Variants in SNTG1 observed in about 807,000 individuals in gnomAD.
SNTG1 encodes gamma-1-syntrophin.
In SNTG1, 39 loss-of-function variants were observed where a neutral mutation model predicts 74.7. That is an observed-to-expected ratio of 0.52 (90% CI 0.40 to 0.68). The LOEUF (loss-of-function observed/expected upper bound fraction) is 0.68. Ranked by LOEUF, SNTG1 falls within the 30% of genes least tolerant of loss-of-function variation. The pLI is 0.00. For missense variants in SNTG1, 685 were observed against 609.5 expected (o/e 1.12, Z -1.30); for synonymous variants, 254 against 217.1 (o/e 1.17, Z -1.49).
At chr8:50,590,518 A>G (rs2094684660) in intron 12 of SNTG1, among the ~76,000 whole-genome samples, 1 of 152,094 alleles carries the variant, frequency 6.6e-6, no homozygotes, top group African/African-American at 2.4e-5. Flanking sequence ...GCTAAAACAA[A>G]TTGGATATAA....
chr8:50,545,757 C>A (rs2094382934), intron 11 of SNTG1, among the ~76,000 whole-genome samples: 1 of 152,000 alleles, frequency 6.6e-6, no homozygotes, highest in Non-Finnish European at 1.5e-5. Context: ...TCCCAGAGTG[C>A]ACACACTTGT....
At chr8:50,083,323 C>A (rs1454378988) in intron 1 of SNTG1, among the ~76,000 whole-genome samples, 1 of 152,080 alleles carries the variant, frequency 6.6e-6, no homozygotes, top group East Asian at 1.9e-4. Context: ...AGAGTCAGAA[C>A]AACATTTTTA....
At chr8:50,696,010 A>T (rs938715848) in intron 15 of SNTG1, among the ~76,000 whole-genome samples, 1 of 151,968 alleles carries the variant, frequency 6.6e-6, no homozygotes, top group African/African-American at 2.4e-5. Flanking sequence ...ATTGAATAGT[A>T]GTTCTATTTT....
chr8:50,234,768 G>A (rs573000870), intron 2 of SNTG1, among the ~76,000 whole-genome samples: 1 of 152,132 alleles, frequency 6.6e-6, no homozygotes, highest in South Asian at 2.1e-4. Flanking sequence ...ATCACAAAGT[G>A]ACTAAAAATG....
intron 1 of SNTG1, among the ~76,000 whole-genome samples, chr8:49,953,808 C>G (rs538849388): frequency 6.6e-6 from 1 of 151,934 alleles, no homozygotes; most frequent in Non-Finnish European, 1.5e-5. Flanking sequence ...CAGTTTTGTG[C>G]AGATTCCGTT....
At chr8:50,068,360 T>C (rs1486742259) in intron 1 of SNTG1, among the ~76,000 whole-genome samples, 2 of 152,154 alleles carry the variant, frequency 1.3e-5, no homozygotes, top group African/African-American at 4.8e-5. Flanking sequence ...TTTCTTCTCT[T>C]CCTCAGTGAG....
At chr8:50,711,198 C>A (rs2131559309) in intron 17 of SNTG1, among the ~76,000 whole-genome samples, 1 of 152,200 alleles carries the variant, frequency 6.6e-6, no homozygotes, top group South Asian at 2.1e-4. Context: ...ACATACAAAT[C>A]AAAACATGCT....
chr8:50,756,332 G>T (rs1485467738), intron 18 of SNTG1, among the ~76,000 whole-genome samples: 3 of 151,834 alleles, frequency 2.0e-5, no homozygotes, highest in Admixed American at 6.6e-5. Flanking sequence ...TCGCAAAAGT[G>T]AAGGTCATCT....
At chr8:50,586,196 T>G (rs1223275873) in intron 12 of SNTG1, among the ~76,000 whole-genome samples, 1 of 152,200 alleles carries the variant, frequency 6.6e-6, no homozygotes, top group African/African-American at 2.4e-5. Flanking sequence ...ACTTCTTATC[T>G]TCAAAGGGAA....
intron 9 of SNTG1, among the ~76,000 whole-genome samples, chr8:50,510,791 T>G (rs1205177121): frequency 6.6e-6 from 1 of 152,166 alleles, no homozygotes; most frequent in Admixed American, 6.5e-5. Context: ...TTGCATCTAT[T>G]TGATTCTTCT....
At chr8:50,783,805 C>A (rs554770840) in intron 18 of SNTG1, among the ~76,000 whole-genome samples, 1 of 152,306 alleles carries the variant, frequency 6.6e-6, no homozygotes, top group South Asian at 2.1e-4. Flanking sequence ...ACGCTGGGAG[C>A]TGTAGACTGG....
intron 1 of SNTG1, among the ~76,000 whole-genome samples, chr8:50,017,576 A>G (rs1047297220): frequency 1.3e-5 from 2 of 151,996 alleles, no homozygotes; most frequent in African/African-American, 4.8e-5. Context: ...AACAAATGGA[A>G]AAGATATACA....
At chr8:50,150,372 G>A (rs2082023972) in intron 1 of SNTG1, among the ~76,000 whole-genome samples, 1 of 152,058 alleles carries the variant, frequency 6.6e-6, no homozygotes, top group South Asian at 2.1e-4. Context: ...TTTCCTAATT[G>A]AATACCCTTT....
chr8:50,698,857 T>C (rs116044528), intron 15 of SNTG1, among the ~76,000 whole-genome samples: 30 of 152,184 alleles, frequency 2.0e-4, no homozygotes, highest in African/African-American at 6.7e-4. Flanking sequence ...TAGTGGGAAA[T>C]TGGACCACAG....
intron 2 of SNTG1, among the ~76,000 whole-genome samples, chr8:50,376,754 TATAGAG>T (rs796155215): frequency 0.02 from 2,025 of 100,096 alleles, 14 homozygotes; most frequent in Non-Finnish European, 0.029. Flanking sequence ...TATATATATA[TATAGAG>T]AGAGAGAGAG....
intron 2 of SNTG1, among the ~76,000 whole-genome samples, chr8:50,288,092 T>A (rs1379487959): frequency 6.6e-6 from 1 of 152,166 alleles, no homozygotes; most frequent in Non-Finnish European, 1.5e-5. Context: ...TTATTCATAT[T>A]TGTATTTCTA....
chr8:49,937,047 G>A (rs1179277129), intron 1 of SNTG1, among the ~76,000 whole-genome samples: 1 of 152,190 alleles, frequency 6.6e-6, no homozygotes, highest in Non-Finnish European at 1.5e-5. Context: ...TACTCAGGAG[G>A]CTGAGGCAGG....
At chr8:50,124,718 C>T (rs1468083578) in intron 1 of SNTG1, among the ~76,000 whole-genome samples, 3 of 140,934 alleles carry the variant, frequency 2.1e-5, no homozygotes, top group Non-Finnish European at 3.2e-5. Context: ...CCTCCAAGGG[C>T]TTTCCCTGCT....
At position 50,450,618 on chromosome 8, in the gene SNTG1, T is replaced by C. The variant is rs2093447448; in HGVS notation, c.321+19T>C. ...TCTACAGGTATACATTTTATCACTA[T>C]ATGTGTGGTCAAAACATTAACTCAA... On this transcript the variant is annotated intron_variant, in intron 7 of 18. Transcript: ENST00000642720. The C allele has an allele frequency of 6.2e-7, 1 of 1,613,454 alleles. No individual in the cohort carries two copies. The highest frequency in any genetic ancestry group is 8.5e-7 in the Non-Finnish European group (1 of 1,179,668).
Sources: allele counts gnomAD v4.1 joint callset (sites outside exome capture counted in the v4.1 genomes callset), GRCh38; gene constraint gnomAD v4.1.1; transcripts MANE v1.5; gene names NCBI Gene and HGNC (gene_info 2026-07-23, HGNC 2026-07-21).